Variants in RBMS1 observed in about 807,000 individuals in gnomAD.
RBMS1 encodes RNA-binding motif, single-stranded-interacting protein 1.
A neutral mutation model predicts 62.3 loss-of-function variants in RBMS1; 17 were observed. That is an observed-to-expected ratio of 0.27 (90% CI 0.19 to 0.41). RBMS1 has a LOEUF of 0.41. Among genes scored for constraint, RBMS1 ranks in the 10% least tolerant of loss-of-function variants. The pLI, the probability that RBMS1 is intolerant of heterozygous loss-of-function variation, is 1.00. For synonymous variants in RBMS1, 172 were observed against 170.0 expected (o/e 1.01, Z -0.09); for missense variants, 334 against 504.5 (o/e 0.66, Z 3.24).
intron 1 of RBMS1, chr2:160,367,632 T>G (rs1693482536): frequency 2.1e-6 from 1 of 486,604 alleles, no homozygotes; most frequent in East Asian, 4.3e-5. Context: ...GTGACTAAAT[T>G]TATGTAACAT....
intron 1 of RBMS1, among the ~76,000 whole-genome samples, chr2:160,393,122 T>C (rs1470101791): frequency 1.3e-5 from 2 of 152,056 alleles, no homozygotes; most frequent in African/African-American, 2.4e-5. Context: ...AGTTAAAGGG[T>C]AGACTAACTC....
chr2:160,284,919 T>A, intron 8 of RBMS1, 51 bp from the exon 9 acceptor site: 2 of 1,570,178 alleles, frequency 1.3e-6, no homozygotes, highest in Non-Finnish European at 1.8e-6. Flanking sequence ...ATAGAATAAT[T>A]CATGGAACAA....
rs530802537 is a variant in RBMS1 at position 160,417,238 on chromosome 2, T to C, written c.76-49847A>G. On this transcript the variant is annotated intron_variant, in intron 1 of 13. Transcript: ENST00000348849. ...TATCTGGGTTAAAAAGAGTTATATA[T>C]ATGTAAAAAATGTAGTGATGCAGTA... 3.3e-5 allele frequency among the ~76,000 whole-genome samples: 5 copies of C among 152,288 alleles called. No homozygotes were observed. In the South Asian group the frequency reaches 1.0e-3, roughly 32 times the overall value.
At chr2:160,484,860 G>T (rs1685531009) in intron 1 of RBMS1, among the ~76,000 whole-genome samples, 3 of 120,788 alleles carry the variant, frequency 2.5e-5, no homozygotes, top group Non-Finnish European at 5.2e-5. Flanking sequence ...GACAGAGCAA[G>T]ACTCCGTCTC....
At chr2:160,323,884 T>C (rs1266138441) in intron 2 of RBMS1, among the ~76,000 whole-genome samples, 1 of 152,152 alleles carries the variant, frequency 6.6e-6, no homozygotes, top group Admixed American at 6.5e-5. Flanking sequence ...TAATAAAACC[T>C]TTTACTTAGA....
At chr2:160,363,648 G>A (rs1288932066) in intron 2 of RBMS1, among the ~76,000 whole-genome samples, 1 of 152,166 alleles carries the variant, frequency 6.6e-6, no homozygotes, top group African/African-American at 2.4e-5. Context: ...AGAAGGAGCT[G>A]CTGACTCCTA....
intron 1 of RBMS1, among the ~76,000 whole-genome samples, chr2:160,470,578 A>G (rs1352616104): frequency 1.3e-5 from 2 of 152,206 alleles, no homozygotes; most frequent in African/African-American, 4.8e-5. Context: ...CAGCTATGCA[A>G]GATGGATGTT....
intron 6 of RBMS1, among the ~76,000 whole-genome samples, chr2:160,299,472 T>C (rs1429222112): frequency 4.6e-5 from 7 of 152,078 alleles, no homozygotes; most frequent in East Asian, 1.9e-4. Flanking sequence ...TTGCTAGATA[T>C]CTATTTTAGT....
chr2:160,407,329 C>A (rs1412363969), intron 1 of RBMS1: 2 of 984,094 alleles, frequency 2.0e-6, no homozygotes, highest in Non-Finnish European at 2.4e-6. Flanking sequence ...CCGAGCAGTC[C>A]CCGCGGCCGC....
intron 2 of RBMS1, among the ~76,000 whole-genome samples, chr2:160,332,656 G>T (rs1236935949): frequency 6.6e-6 from 1 of 151,948 alleles, no homozygotes; most frequent in African/African-American, 2.4e-5. Context: ...AAATGGTCAG[G>T]GTAAAAATGG....
chr2:160,305,768 G>A (rs746614691), intron 4 of RBMS1, among the ~76,000 whole-genome samples: 3 of 152,084 alleles, frequency 2.0e-5, no homozygotes, highest in Non-Finnish European at 4.4e-5. Context: ...TAAAGATGGG[G>A]ACCCCTTAAT....
intron 1 of RBMS1, among the ~76,000 whole-genome samples, chr2:160,376,742 C>T (rs1212824239): frequency 3.9e-5 from 6 of 152,002 alleles, no homozygotes. Context: ...CTCAAGTAAT[C>T]CTCCTGTCAC....
chr2:160,328,558 G>C (rs1691080309), intron 2 of RBMS1, among the ~76,000 whole-genome samples: 1 of 152,062 alleles, frequency 6.6e-6, no homozygotes, highest in Non-Finnish European at 1.5e-5. Flanking sequence ...CTTAGAAAAT[G>C]AATATGACCT....
At chr2:160,491,987 A>C (rs1685851754) in intron 1 of RBMS1, among the ~76,000 whole-genome samples, 1 of 152,218 alleles carries the variant, frequency 6.6e-6, no homozygotes, top group Non-Finnish European at 1.5e-5. Flanking sequence ...GAAACTGACA[A>C]GTGTCCTTTT....
In RBMS1 at chr2:160,461,405, G is replaced by A. The variant is rs542164776; in HGVS notation, c.75+31884C>T. On this transcript the variant is annotated intron_variant, in intron 1 of 13. Transcript: ENST00000348849. ...TGGCATTTCAAGCATCTGAGTGAGA[G>A]GCAGGGTGGCCGTGGCCTTGCCTGA... Among the ~76,000 whole-genome samples the A allele has an allele frequency of 2.4e-3, 365 of 152,334 alleles. 1 individual carries two copies. The highest frequency in any genetic ancestry group is 0.014 in the South Asian group (67 of 4,824).
At chr2:160,453,363 T>C (rs1296776300) in intron 1 of RBMS1, among the ~76,000 whole-genome samples, 1 of 152,180 alleles carries the variant, frequency 6.6e-6, no homozygotes, top group Non-Finnish European at 1.5e-5. Flanking sequence ...CCTGTCATCC[T>C]TACCATCGTA....
At chr2:160,376,563 A>C (rs1277733192) in intron 1 of RBMS1, among the ~76,000 whole-genome samples, 1 of 152,156 alleles carries the variant, frequency 6.6e-6, no homozygotes, top group Non-Finnish European at 1.5e-5. Flanking sequence ...AATTAGAGAA[A>C]GTGAGTGATA....
At chr2:160,327,724 T>C (rs1446677692) in intron 2 of RBMS1, among the ~76,000 whole-genome samples, 2 of 152,280 alleles carry the variant, frequency 1.3e-5, no homozygotes, top group African/African-American at 4.8e-5. Context: ...TCCCGAGTAC[T>C]AACATGTCAG....
chr2:160,397,563 A>T (rs981473474), intron 1 of RBMS1, among the ~76,000 whole-genome samples: 4 of 152,232 alleles, frequency 2.6e-5, no homozygotes, highest in African/African-American at 4.8e-5. Context: ...TGTCACTTGA[A>T]ATTTTCAGGA....
Sources: allele counts gnomAD v4.1 joint callset (sites outside exome capture counted in the v4.1 genomes callset), GRCh38; gene constraint gnomAD v4.1.1; transcripts MANE v1.5; gene names NCBI Gene and HGNC (gene_info 2026-07-23, HGNC 2026-07-21).